The following DENND1A variants were observed in gnomAD, a reference collection of about 807,000 sequenced individuals.
The protein encoded by DENND1A is DENN domain-containing protein 1A.
A neutral mutation model predicts 113.7 loss-of-function variants in DENND1A; 51 were observed. The ratio of observed to expected loss-of-function variants is 0.45; its 90% CI spans 0.36 to 0.57. The LOEUF (loss-of-function observed/expected upper bound fraction) is 0.57, where lower values mean the gene tolerates loss of function less well. DENND1A is among the 20% of genes least tolerant of loss of function. DENND1A has a pLI of 0.00. For missense variants in DENND1A, 1,258 were observed against 1,395.9 expected (o/e 0.90, Z 1.57); for synonymous variants, 565 against 570.8 (o/e 0.99, Z 0.14).
At chr9:123,616,376 G>T (rs182999168) in intron 10 of DENND1A, among the ~76,000 whole-genome samples, 1 of 152,046 alleles carries the variant, frequency 6.6e-6, no homozygotes, top group African/African-American at 2.4e-5. Flanking sequence ...TGCTACTGTC[G>T]ACAAAAAATG....
At chr9:123,427,676 T>C (rs1013214628) in intron 19 of DENND1A, among the ~76,000 whole-genome samples, 1 of 152,230 alleles carries the variant, frequency 6.6e-6, no homozygotes, top group Non-Finnish European at 1.5e-5. Context: ...TTGGCTTCTG[T>C]GCACATTGTC....
At chr9:123,396,165 T>G (rs1364830144) in intron 21 of DENND1A, among the ~76,000 whole-genome samples, 1 of 152,136 alleles carries the variant, frequency 6.6e-6, no homozygotes, top group African/African-American at 2.4e-5. Flanking sequence ...CGCGCTCTGC[T>G]CACTCAGGAT....
intron 6 of DENND1A, among the ~76,000 whole-genome samples, chr9:123,673,005 T>C (rs1424329901): frequency 6.6e-6 from 1 of 152,220 alleles, no homozygotes; most frequent in Non-Finnish European, 1.5e-5. Context: ...CCTCTACTCA[T>C]CCTCAGTCTG....
At chr9:123,711,486 A>AAATAT (rs1318894625) in intron 5 of DENND1A, among the ~76,000 whole-genome samples, 1 of 101,790 alleles carries the variant, frequency 9.8e-6, no homozygotes, top group Non-Finnish European at 2.0e-5. Context: ...TAAATTAAAA[A>AAATAT]ATATATATAT....
intron 2 of DENND1A, among the ~76,000 whole-genome samples, chr9:123,831,022 T>A (rs1338836222): frequency 6.6e-6 from 1 of 152,046 alleles, no homozygotes; most frequent in Non-Finnish European, 1.5e-5. Context: ...AATAAAACTA[T>A]TATTTGCAGG....
chr9:123,538,085 C>G (rs1307576633), intron 13 of DENND1A, among the ~76,000 whole-genome samples: 1 of 152,062 alleles, frequency 6.6e-6, no homozygotes, highest in Non-Finnish European at 1.5e-5. Context: ...AAGAACATAC[C>G]AAAAAATAGT....
At chr9:123,516,923 C>T (rs1033220757) in intron 13 of DENND1A, among the ~76,000 whole-genome samples, 11 of 103,758 alleles carry the variant, frequency 1.1e-4, no homozygotes, top group East Asian at 2.6e-4. Context: ...AAAAAAAGAA[C>T]GGACAATAGT....
chr9:123,471,759 G>C (rs1345299242), intron 13 of DENND1A, among the ~76,000 whole-genome samples: 1 of 152,146 alleles, frequency 6.6e-6, no homozygotes, highest in African/African-American at 2.4e-5. Context: ...TCAGTTCTCT[G>C]ACCCCAAAGT....
At position 123,807,748 on chromosome 9, in the gene DENND1A, C is replaced by T. The variant is rs571209533; in HGVS notation, c.89-15118G>A. On this transcript the variant is annotated intron_variant, in intron 2 of 23. Transcript: ENST00000394215. ...TCCTTCAACAGACTTCATGGAATGC[C>T]TATTCTGTGTCACACACTGTGATAA... is the stretch of plus-strand genomic sequence containing the variant. 2.0e-5 allele frequency among the ~76,000 whole-genome samples: 3 copies of T among 152,316 alleles called. No individual in the cohort carries two copies. In the South Asian group the frequency reaches 6.2e-4, roughly 32 times the overall value.
chr9:123,700,410 A>G (rs1487951326), intron 5 of DENND1A, among the ~76,000 whole-genome samples: 2 of 152,206 alleles, frequency 1.3e-5, no homozygotes, highest in East Asian at 3.8e-4. Context: ...GTGTGTGTAT[A>G]AAGAGATTTA....
At chr9:123,449,895 C>T (rs1328339287) in intron 18 of DENND1A, among the ~76,000 whole-genome samples, 6 of 152,000 alleles carry the variant, frequency 3.9e-5, no homozygotes, top group East Asian at 3.8e-4. Context: ...GTTCAGTGTA[C>T]GCTGCTCAGG....
intron 6 of DENND1A, among the ~76,000 whole-genome samples, chr9:123,675,446 T>C (rs1159568445): frequency 6.6e-6 from 1 of 152,196 alleles, no homozygotes; most frequent in Non-Finnish European, 1.5e-5. Context: ...TTCCCTTCCC[T>C]GGACCCCAGT....
intron 4 of DENND1A, 112 bp from the exon 5 acceptor site, chr9:123,757,934 C>G (rs1016317576): frequency 3.3e-6 from 3 of 903,930 alleles, no homozygotes; most frequent in Non-Finnish European, 4.6e-6. Flanking sequence ...CAGTGGAACT[C>G]TTAAAATTTA....
At chr9:123,410,718 T>C (rs1392578333) in intron 20 of DENND1A, among the ~76,000 whole-genome samples, 3 of 152,296 alleles carry the variant, frequency 2.0e-5, no homozygotes, top group East Asian at 3.9e-4. Context: ...CCCGGCCTCT[T>C]TGCCTTCACA....
At chr9:123,911,929 C>T (rs1854060028) in intron 1 of DENND1A, among the ~76,000 whole-genome samples, 4 of 152,020 alleles carry the variant, frequency 2.6e-5, no homozygotes, top group Non-Finnish European at 4.4e-5. Flanking sequence ...CTCCTGACCT[C>T]ATGATCCGCC....
intron 5 of DENND1A, among the ~76,000 whole-genome samples, chr9:123,720,121 G>T (rs1029800272): frequency 1.3e-5 from 2 of 152,100 alleles, no homozygotes; most frequent in Non-Finnish European, 2.9e-5. Context: ...GCCACAATAA[G>T]CAATTAAATA....
chr9:123,573,750 G>C (rs1224773631), intron 12 of DENND1A, among the ~76,000 whole-genome samples: 4 of 151,736 alleles, frequency 2.6e-5, no homozygotes, highest in Middle Eastern at 3.2e-3. Flanking sequence ...AATCATTAAG[G>C]CTTTACCTCT....
chr9:123,725,901 A>T (rs1472823744), intron 5 of DENND1A, among the ~76,000 whole-genome samples: 1 of 152,242 alleles, frequency 6.6e-6, no homozygotes, highest in Non-Finnish European at 1.5e-5. Context: ...AAATTCTAAC[A>T]GGTAAACAAC....
At chr9:123,770,415 C>G (rs1829538401) in intron 3 of DENND1A, among the ~76,000 whole-genome samples, 1 of 152,104 alleles carries the variant, frequency 6.6e-6, no homozygotes, top group Non-Finnish European at 1.5e-5. Context: ...ACATGACACA[C>G]AATAAACAGT....
Sources: allele counts gnomAD v4.1 joint callset (sites outside exome capture counted in the v4.1 genomes callset), GRCh38; gene constraint gnomAD v4.1.1; transcripts MANE v1.5; gene names NCBI Gene and HGNC (gene_info 2026-07-23, HGNC 2026-07-21).